ACSL4: variants seen among roughly 807,000 people sequenced by gnomAD.
The protein encoded by ACSL4 is long-chain-fatty-acid--CoA ligase 4.
A neutral mutation model predicts 49.1 loss-of-function variants in ACSL4; 9 were observed. That is an observed-to-expected ratio of 0.18 (90% CI 0.11 to 0.32). The LOEUF (loss-of-function observed/expected upper bound fraction) is 0.32. ACSL4 is among the 10% of genes least tolerant of loss of function. ACSL4 has a pLI of 1.00. For synonymous variants in ACSL4, 191 were observed against 170.3 expected (o/e 1.12, Z -0.95); for missense variants, 333 against 493.7 (o/e 0.67, Z 3.08).
chrX:109,682,799 T>C lies in ACSL4; in HGVS notation c.326A>G (p.Lys109Arg). 1 of 1,212,103 alleles carries C rather than the reference T, an allele frequency of 8.3e-7. No homozygotes were observed. ...SGLTALGLKP[K>R]NTIAIFCETR... ...CTCACAGAAGATGGCAATGGTGTTC[T>C]TTGGTTTTAGTCCCAGTGCAGTGAG... The change falls in exon 4 of 16, where the codon AAG (lysine) becomes AGG (arginine). Residue 109 changes from lysine to arginine, a missense_variant. Physicochemically the swap from Lys to Arg is conservative, Grantham distance 26. Around this residue, in one of 3 missense-constraint regions of ACSL4, gnomAD observed 157 missense variants for 201.1 expected, o/e 0.78. Coordinates refer to ENST00000672401, the MANE Select transcript of ACSL4 (RefSeq NM_001318510.2).
chrX:109,674,256 A>G, intron 9 of ACSL4, 146 bp downstream of exon 9: 1 of 541,657 alleles, frequency 1.8e-6, no homozygotes, highest in Non-Finnish European at 3.1e-6. Context: ...TAAGATTTTA[A>G]TGAACACATT....
intron 8 of ACSL4, among the ~76,000 whole-genome samples, chrX:109,676,185 T>C (rs1055429198): frequency 9.1e-6 from 1 of 109,715 alleles, no homozygotes; most frequent in African/African-American, 3.3e-5. Flanking sequence ...GAGGTCTATA[T>C]GTGTATATGC....
chrX:109,683,344 G>C lies in ACSL4; in HGVS notation c.20C>G (p.Ala7Gly), dbSNP rs756839240. The C allele has an allele frequency of 4.1e-6, 5 of 1,210,268 alleles. No individual in the cohort carries two copies. In the South Asian group the frequency reaches 8.8e-5, roughly 21 times the overall value. The change falls in exon 3 of 16, where the codon GCT becomes GGT. Residue 7 changes from alanine (A) to glycine (G), a missense_variant. Ala to Gly is a moderately conservative substitution (Grantham distance 60, BLOSUM62 0). Around this residue, in one of 3 missense-constraint regions of ACSL4, gnomAD observed 157 missense variants for 201.1 expected, o/e 0.78. Coordinates refer to ENST00000672401, the MANE Select transcript of ACSL4 (RefSeq NM_001318510.2). MAKRIK[A>G]KPTSDKPGSP... is the part of the protein sequence containing the mutation. ...TCCAGGTTTGTCTGAAGTGGGCTTAGCTTTTATTCTCTTTGCCATAGCGTT... is the reference window on the plus strand; with the variant it reads ...TCCAGGTTTGTCTGAAGTGGGCTTACCTTTTATTCTCTTTGCCATAGCGTT...
chrX:109,669,967 G>A (rs1923038716), intron 9 of ACSL4, among the ~76,000 whole-genome samples: 1 of 111,109 alleles, frequency 9.0e-6, no homozygotes. Context: ...CAAAGAACAC[G>A]ATTCTTGCTC....
chrX:109,655,319 G>C (rs1338023080), intron 15 of ACSL4, among the ~76,000 whole-genome samples: 2 of 111,132 alleles, frequency 1.8e-5, no homozygotes, highest in Non-Finnish European at 3.8e-5. Context: ...TGCATTGACT[G>C]CATCCATGAA....
In ACSL4 at chrX:109,725,410, A is replaced by T. The variant is rs746337554; in HGVS notation, c.-66+7729T>A. ...TTCTATATGGGGCCAAGAGGCCAAG[A>T]CCTTTTTCTCTAACTCCAGGCCCAT... On this transcript the variant is annotated intron_variant, in intron 1 of 15. Coordinates refer to ENST00000672401, the MANE Select transcript of ACSL4 (RefSeq NM_001318510.2). Among the ~76,000 whole-genome samples the T allele has an allele frequency of 1.3e-4, 14 of 111,287 alleles. 3 individuals carry two copies. The South Asian group carries it at 1.5e-3, about 12-fold the overall frequency.
intron 15 of ACSL4, among the ~76,000 whole-genome samples, chrX:109,655,689 T>C (rs1358326297): frequency 9.0e-6 from 1 of 110,748 alleles, no homozygotes; most frequent in Non-Finnish European, 1.9e-5. Flanking sequence ...TGCACAATGA[T>C]AAATGATCAA....
intron 1 of ACSL4, among the ~76,000 whole-genome samples, chrX:109,698,436 T>C (rs991947816): frequency 3.7e-4 from 41 of 111,877 alleles, no homozygotes; most frequent in Middle Eastern, 4.6e-3. Flanking sequence ...GGGTTGCATT[T>C]ATAGATGATC....
intron 6 of ACSL4, among the ~76,000 whole-genome samples, chrX:109,680,785 C>T (rs1323094017): frequency 8.9e-6 from 1 of 112,727 alleles, no homozygotes; most frequent in African/African-American, 3.2e-5. Flanking sequence ...TACATCTCAA[C>T]CACTTAGTGA....
Position 109,681,032 on chromosome X carries a change from T to A in ACSL4, c.621A>T (p.Gln207His). ...GGTTAGATCCCAACTCTTCTACTGA[T>A]TGCATGCTGTGAATCTCAAATCCTT... is the stretch of plus-strand genomic sequence containing the variant. ...YPEGFEIHSM[Q>H]SVEELGSNPE... The change falls in exon 6 of 16, where the codon CAA becomes CAT. Residue 207 changes from glutamine to histidine, a missense_variant. By Grantham distance (24) the Gln-to-His change is conservative. Transcript: ENST00000672401. 6 of 1,211,045 alleles carry A rather than the reference T, an allele frequency of 5.0e-6. No individual in the cohort carries two copies. Among genetic ancestry groups the A allele is most frequent in the Non-Finnish European group, 6.7e-6 (6 of 894,910 alleles).
intron 12 of ACSL4, among the ~76,000 whole-genome samples, chrX:109,665,055 T>C (rs1347927079): frequency 9.0e-6 from 1 of 111,676 alleles, no homozygotes; most frequent in African/African-American, 3.3e-5. Context: ...GGTGTGTGTA[T>C]GAGTGCAACC....
intron 2 of ACSL4, among the ~76,000 whole-genome samples, chrX:109,687,863 C>T (rs754205278): frequency 1.8e-5 from 2 of 112,054 alleles, no homozygotes; most frequent in African/African-American, 6.5e-5. Context: ...CTCAGTCCCT[C>T]TTGGTTGTCT....
chrX:109,697,414 T>A (rs972684201), intron 1 of ACSL4, among the ~76,000 whole-genome samples: 4 of 111,626 alleles, frequency 3.6e-5, no homozygotes, highest in Non-Finnish European at 7.5e-5. Context: ...ATAACTGTAA[T>A]CATCACACTA....
intron 9 of ACSL4, 21 bp from the exon 10 acceptor site, chrX:109,669,194 TC>T: frequency 1.8e-6 from 2 of 1,124,590 alleles, no homozygotes; most frequent in Non-Finnish European, 1.2e-6. Flanking sequence ...AACAAAATAT[TC>T]AATAATCTGA....
intron 1 of ACSL4, among the ~76,000 whole-genome samples, chrX:109,728,808 C>G (rs1928202575): frequency 8.9e-6 from 1 of 112,092 alleles, no homozygotes; most frequent in South Asian, 3.6e-4. Flanking sequence ...TGGACCTCAT[C>G]CAAATTAAAG....
chrX:109,714,892 T>C (rs1165443189), intron 1 of ACSL4, among the ~76,000 whole-genome samples: 4 of 112,081 alleles, frequency 3.6e-5, no homozygotes, highest in Non-Finnish European at 5.6e-5. Flanking sequence ...TGTAACTACA[T>C]GTATTAAAAA....
chrX:109,648,215 C>T (rs981416755), intron 15 of ACSL4, among the ~76,000 whole-genome samples: 2 of 111,069 alleles, frequency 1.8e-5, no homozygotes, highest in African/African-American at 3.3e-5. Flanking sequence ...GGCAGAGACA[C>T]AACCAAAAAA....
At chrX:109,711,429 C>G (rs1926742163) in intron 1 of ACSL4, among the ~76,000 whole-genome samples, 1 of 111,934 alleles carries the variant, frequency 8.9e-6, no homozygotes, top group South Asian at 3.7e-4. Context: ...GTGCCACTTA[C>G]TAGAGATGGA....
At chrX:109,722,781 C>T (rs1444032047) in intron 1 of ACSL4, among the ~76,000 whole-genome samples, 9 of 110,561 alleles carry the variant, frequency 8.1e-5, no homozygotes, top group African/African-American at 2.6e-4. Flanking sequence ...CCTTTTCCCA[C>T]CAGATGTCTT....
Sources: gnomAD v4.1 joint callset for allele counts (sites outside exome capture counted in the v4.1 genomes callset) on GRCh38, gnomAD v4.1.1 for gene constraint, gnomAD v4.1.1 regional missense constraint, MANE v1.5 for transcripts, NCBI Gene and HGNC (gene_info 2026-07-23, HGNC 2026-07-21) for gene names.